The following ODAD2 variants were observed in gnomAD, a reference collection of about 807,000 sequenced individuals.
ODAD2 encodes the protein outer dynein arm-docking complex subunit 2.
In ODAD2, 89 loss-of-function variants were observed where a neutral mutation model predicts 106.8. That is an observed-to-expected ratio of 0.83 (90% CI 0.70 to 0.99). ODAD2 has a LOEUF of 0.99. ODAD2 is among the 50% of genes least tolerant of loss of function. ODAD2 has a pLI of 0.00. For missense variants in ODAD2, 1,168 were observed against 1,238.5 expected, an observed-to-expected ratio of 0.94 and a Z score of 0.85; for synonymous variants, 404 against 436.2, an observed-to-expected ratio of 0.93 and a Z score of 0.92.
intron 16 of ODAD2, among the ~76,000 whole-genome samples, chr10:27,913,285 C>T (rs1189710660): frequency 6.6e-6 from 1 of 151,948 alleles, no homozygotes; most frequent in Non-Finnish European, 1.5e-5. Flanking sequence ...CTCCTCCCAC[C>T]CTCCATCTTC....
intron 10 of ODAD2, among the ~76,000 whole-genome samples, chr10:27,954,537 G>C (rs1167697759): frequency 1.3e-5 from 2 of 152,100 alleles, no homozygotes; most frequent in Non-Finnish European, 2.9e-5. Flanking sequence ...ATGAGTTGAA[G>C]CTTAAGGGAA....
At chr10:27,936,549 G>A (rs966723297) in intron 15 of ODAD2, among the ~76,000 whole-genome samples, 177 bp downstream of exon 15, 7 of 152,140 alleles carry the variant, frequency 4.6e-5, no homozygotes, top group Admixed American at 1.3e-4. Flanking sequence ...CCAGGTGGTG[G>A]GCAATTTCTA....
chr10:27,925,215 A>G (rs893682005), intron 16 of ODAD2, among the ~76,000 whole-genome samples: 14 of 152,166 alleles, frequency 9.2e-5, no homozygotes, highest in African/African-American at 2.4e-4. Flanking sequence ...ATGCAAGGTT[A>G]GTTCAATGTT....
At chr10:27,984,995 G>C (rs754695884) in intron 4 of ODAD2, 24 bp downstream of exon 4, 1 of 1,588,360 alleles carries the variant, frequency 6.3e-7, no homozygotes, top group Non-Finnish European at 8.6e-7. Context: ...ATACAATAGA[G>C]GTTCCTTTTT....
At chr10:27,911,080 C>T (rs1236665933) in intron 16 of ODAD2, among the ~76,000 whole-genome samples, 1 of 152,030 alleles carries the variant, frequency 6.6e-6, no homozygotes. Flanking sequence ...AGATTTTTTT[C>T]CAAAAGGAAC....
intron 17 of ODAD2, among the ~76,000 whole-genome samples, chr10:27,879,994 G>T (rs146576050): frequency 6.6e-6 from 1 of 152,130 alleles, no homozygotes. Context: ...GATGTGGTCC[G>T]ACAAGAGCAG....
chr10:27,812,910 C>T (rs1835853646), intron 19 of ODAD2, among the ~76,000 whole-genome samples: 1 of 152,124 alleles, frequency 6.6e-6, no homozygotes, highest in South Asian at 2.1e-4. Flanking sequence ...ATTTCTCTTG[C>T]ATCTTTTCTG....
intron 16 of ODAD2, among the ~76,000 whole-genome samples, chr10:27,922,811 C>T (rs1357595158): frequency 1.3e-5 from 2 of 152,044 alleles, no homozygotes; most frequent in East Asian, 3.9e-4. Flanking sequence ...GTGGCTGAGG[C>T]AGGAGAATCA....
chr10:27,870,816 C>T (rs1260918668), intron 17 of ODAD2, among the ~76,000 whole-genome samples: 18 of 152,104 alleles, frequency 1.2e-4, no homozygotes, highest in Admixed American at 2.6e-4. Flanking sequence ...AATAAACATA[C>T]GTGTGCATGT....
intron 16 of ODAD2, among the ~76,000 whole-genome samples, chr10:27,913,183 T>C (rs1844127778): frequency 6.6e-6 from 1 of 152,234 alleles, no homozygotes; most frequent in East Asian, 1.9e-4. Flanking sequence ...GTTAAATAGG[T>C]AAATTACGTG....
intron 2 of ODAD2, 122 bp downstream of exon 2, chr10:27,994,797 C>T: frequency 9.7e-7 from 1 of 1,033,790 alleles, no homozygotes; most frequent in Non-Finnish European, 1.4e-6. Context: ...GGTTTTCATT[C>T]CCTGGTTTAG....
In ODAD2 at chr10:27,895,081, C is replaced by T. The variant is rs113412141; in HGVS notation, c.2610+12582G>A. On this transcript the variant is annotated intron_variant, in intron 17 of 19. Coordinates refer to ENST00000305242, the MANE Select transcript of ODAD2 (RefSeq NM_018076.5). ...CTGTTAGCTCTTAATATCAGTTATC[C>T]CCAAGTGCTAAAATTACAGGTGATT... Among the ~76,000 whole-genome samples, 311 of 149,202 alleles carry T rather than the reference C, an allele frequency of 2.1e-3. 1 individual carries two copies. The highest frequency in any genetic ancestry group is 7.3e-3 in the African/African-American group (297 of 40,728).
At chr10:27,908,562 A>G (rs1348098833) in intron 16 of ODAD2, among the ~76,000 whole-genome samples, 1 of 152,216 alleles carries the variant, frequency 6.6e-6, no homozygotes, top group Non-Finnish European at 1.5e-5. Context: ...TCGGAAAGGT[A>G]TATTAAACTC....
chr10:27,922,562 A>T (rs1435410542), intron 16 of ODAD2, among the ~76,000 whole-genome samples: 1 of 152,176 alleles, frequency 6.6e-6, no homozygotes, highest in East Asian at 1.9e-4. Context: ...ATTGATTACC[A>T]TACAGGCAAT....
intron 16 of ODAD2, among the ~76,000 whole-genome samples, chr10:27,909,677 G>T (rs1275166844): frequency 2.0e-5 from 3 of 151,966 alleles, no homozygotes; most frequent in East Asian, 1.9e-4. Flanking sequence ...AATTAGTCAG[G>T]CTTGGTGGCA....
At chr10:27,901,470 C>T (rs146834528) in intron 17 of ODAD2, among the ~76,000 whole-genome samples, 3 of 152,234 alleles carry the variant, frequency 2.0e-5, no homozygotes, top group Admixed American at 2.0e-4. Context: ...ATAATATTAA[C>T]CTTAAATGTA....
intron 19 of ODAD2, among the ~76,000 whole-genome samples, chr10:27,856,196 C>A (rs1405010218): frequency 6.6e-6 from 1 of 152,160 alleles, no homozygotes; most frequent in African/African-American, 2.4e-5. Context: ...TGGGCTGATA[C>A]ATTTGAAAAG....
chr10:27,960,044 C>T (rs1848015036), intron 10 of ODAD2, among the ~76,000 whole-genome samples: 1 of 151,830 alleles, frequency 6.6e-6, no homozygotes, highest in African/African-American at 2.4e-5. Flanking sequence ...TAAAAATTGA[C>T]AGATGCCACA....
Position 27,987,417 on chromosome 10 carries a change from C to T in ODAD2, c.351G>A (p.Gly117=). The T allele has an allele frequency of 6.2e-7, 1 of 1,613,556 alleles. No individual in the cohort carries two copies. Among genetic ancestry groups the T allele is most frequent in the Non-Finnish European group, 8.5e-7 (1 of 1,179,752 alleles). Residue 117 remains glycine, a synonymous_variant, in exon 3 of 20, where the codon GGG becomes GGA. Transcript: ENST00000305242. ...CACATGCTTGGGCTTCCTTCAACTT[C>T]CCAGTTTTGGCAATAAGTAACAAGC... ...LSRLLLIAKT[G]KLKEAQACVE...
Sources: gnomAD v4.1 joint callset for allele counts (sites outside exome capture counted in the v4.1 genomes callset) on GRCh38, gnomAD v4.1.1 for gene constraint, MANE v1.5 for transcripts, NCBI Gene and HGNC (gene_info 2026-07-23, HGNC 2026-07-21) for gene names.